The following ARHGAP5 variants were observed in gnomAD, a reference collection of about 807,000 sequenced individuals.
ARHGAP5 encodes the protein Rho GTPase activating protein 5, also known as rho GTPase-activating protein 5.
Under a neutral mutation model 116.6 loss-of-function variants are expected in ARHGAP5, and 23 were observed. That is an observed-to-expected ratio of 0.20 (90% CI 0.14 to 0.28). The LOEUF (loss-of-function observed/expected upper bound fraction) is 0.28. Ranked by LOEUF, ARHGAP5 falls within the 10% of genes least tolerant of loss-of-function variation. ARHGAP5 has a pLI of 1.00. For missense variants in ARHGAP5, 1,405 were observed against 1,774.8 expected (o/e 0.79, Z 3.74); for synonymous variants, 574 against 602.0 (o/e 0.95, Z 0.68).
In ARHGAP5 at chr14:32,092,931, G is replaced by A. The variant is rs778010378; in HGVS notation, c.2262G>A (p.Leu754=). The A allele has an allele frequency of 2.5e-6, 4 of 1,613,834 alleles. No individual in the cohort carries two copies. The highest frequency in any genetic ancestry group is 3.4e-6 in the Non-Finnish European group (4 of 1,179,934). ...TAAAGCAAGCTCTCAGAGGAGTATT[G>A]GAATCAGTTAAACACAATTTGGATG... is the stretch of plus-strand genomic sequence containing the variant. The part of the protein sequence containing the change: ...TQIKQALRGV[L]ESVKHNLDVV... Residue 754 remains leucine (L), a synonymous_variant, in exon 2 of 7, where the codon TTG becomes TTA. Transcript: ENST00000345122. This position sits in a 1 kb window ranked among gnomAD's most constrained non-coding sequence, Gnocchi z 4.1.
At chr14:32,153,267 C>CGTG (rs1447482049) in intron 6 of ARHGAP5, among the ~76,000 whole-genome samples, 2 of 149,122 alleles carry the variant, frequency 1.3e-5, no homozygotes, top group African/African-American at 4.9e-5. Context: ...ATTAACTGGG[C>CGTG]GTGGTGTGAG....
At chr14:32,138,365 A>G (rs765399878) in intron 3 of ARHGAP5, among the ~76,000 whole-genome samples, 1 of 152,024 alleles carries the variant, frequency 6.6e-6, no homozygotes, top group Non-Finnish European at 1.5e-5. Flanking sequence ...GCTCACTGCA[A>G]CCTCCACTCC....
At chr14:32,094,438 T>C in intron 2 of ARHGAP5, 52 bp downstream of exon 2, 1 of 1,339,282 alleles carries the variant, frequency 7.5e-7, no homozygotes, top group Non-Finnish European at 1.0e-6. Flanking sequence ...GTTGTTACTT[T>C]TTTAAAATAC....
chr14:32,133,107 T>A (rs1487546143), intron 3 of ARHGAP5, among the ~76,000 whole-genome samples: 4 of 152,242 alleles, frequency 2.6e-5, no homozygotes, highest in African/African-American at 7.2e-5. Context: ...AAGTAGTTTT[T>A]TCCAATTCTG....
Position 32,126,829 on chromosome 14 carries a change from G to C in ARHGAP5, c.3865+9542G>C, listed in dbSNP as rs564765861. Among the ~76,000 whole-genome samples the C allele has an allele frequency of 5.3e-5, 8 of 152,034 alleles. No homozygotes were observed. In the South Asian group the frequency reaches 1.7e-3, roughly 32 times the overall value. ...GTAGTGAGCGTTTAATGGGTGCAGA[G>C]TTTCAGTTTTGCAAGATGAAAACAG... On this transcript the variant is annotated intron_variant, in intron 3 of 6. Coordinates refer to ENST00000345122, the MANE Select transcript of ARHGAP5 (RefSeq NM_001030055.2).
intron 5 of ARHGAP5, among the ~76,000 whole-genome samples, chr14:32,151,478 G>GA (rs1881636323): frequency 6.6e-6 from 1 of 152,230 alleles, no homozygotes; most frequent in Non-Finnish European, 1.5e-5. Flanking sequence ...TAGTATAGGC[G>GA]AATCTATAGC....
chr14:32,082,145 T>C (rs1253843211), intron 1 of ARHGAP5, among the ~76,000 whole-genome samples: 1 of 152,204 alleles, frequency 6.6e-6, no homozygotes, highest in Non-Finnish European at 1.5e-5. Flanking sequence ...TGCAGCCCAG[T>C]TCCTAATAAG....
Position 32,149,808 on chromosome 14 carries a change from T to G in ARHGAP5, c.3944-94T>G, listed in dbSNP as rs148734590. On this transcript the variant is annotated intron_variant, in intron 4 of 6. Transcript: ENST00000345122. The stretch of plus-strand genomic sequence containing the variant: ...AAGAAAAAGAAAAGTGGCCCAAGAC[T>G]TAAAGTTATCTTTTGATCTAAAAGT... 522 of 728,512 alleles carry G rather than the reference T, an allele frequency of 7.2e-4. 3 individuals are homozygous for G. In the African/African-American group the frequency reaches 8.9e-3, roughly 12 times the overall value. The allele number at this position is 728,512 out of a possible 1,614,324, so 45.1% of individuals were successfully genotyped here.
intron 1 of ARHGAP5, among the ~76,000 whole-genome samples, chr14:32,079,988 A>G (rs1404160439): frequency 6.6e-6 from 1 of 152,174 alleles, no homozygotes. Flanking sequence ...AGGGAATTTA[A>G]TTTCTAAAAG....
chr14:32,102,611 G>A (rs529596780), intron 2 of ARHGAP5, among the ~76,000 whole-genome samples: 10 of 152,278 alleles, frequency 6.6e-5, no homozygotes, highest in Admixed American at 1.3e-4. Context: ...AGTGAAATTG[G>A]CTTTCTGTGA....
intron 2 of ARHGAP5, among the ~76,000 whole-genome samples, chr14:32,101,545 T>A (rs1065474): frequency 6.6e-6 from 1 of 152,184 alleles, no homozygotes. Context: ...AAAAGCGTGC[T>A]TTTTGTTTTT....
At chr14:32,113,519 G>C (rs1566670295) in intron 2 of ARHGAP5, among the ~76,000 whole-genome samples, 1 of 152,182 alleles carries the variant, frequency 6.6e-6, no homozygotes, top group African/African-American at 2.4e-5. Flanking sequence ...TGCTAGCTCT[G>C]AATCTTGGTG....
intron 2 of ARHGAP5, among the ~76,000 whole-genome samples, chr14:32,105,106 T>C (rs561493057): frequency 1.1e-4 from 16 of 152,224 alleles, no homozygotes; most frequent in African/African-American, 3.9e-4. Flanking sequence ...GAAACCCTGG[T>C]GTAGGAGACT....
At chr14:32,081,855 CTT>C (rs545886450) in intron 1 of ARHGAP5, among the ~76,000 whole-genome samples, 170 of 152,242 alleles carry the variant, frequency 1.1e-3, no homozygotes, top group Non-Finnish European at 1.8e-3. Context: ...GGTAATATCT[CTT>C]TTAGAGAACT....
At chr14:32,081,413 AAT>A (rs2041771550) in intron 1 of ARHGAP5, among the ~76,000 whole-genome samples, 1 of 152,014 alleles carries the variant, frequency 6.6e-6, no homozygotes, top group Non-Finnish European at 1.5e-5. Flanking sequence ...ATGGGAAGAA[AAT>A]ATAAAAATGT....
chr14:32,093,541 A>G lies in ARHGAP5; in HGVS notation c.2872A>G (p.Thr958Ala), dbSNP rs745781808. ...TTTGTCTGATAATACAAGGGAATCAACCCATCAAAGTGAAGATGTTTTTCT... is the reference window on the plus strand; with the variant it reads ...TTTGTCTGATAATACAAGGGAATCAGCCCATCAAAGTGAAGATGTTTTTCT... ...SYLSDNTRES[T>A]HQSEDVFLPS... The change falls in exon 2 of 7, where the codon ACC becomes GCC. Residue 958 changes from threonine (T) to alanine (A), a missense_variant. This residue lies in a region of ARHGAP5 where 944 missense variants were observed against 1,095.3 expected (regional missense o/e 0.86). Coordinates refer to ENST00000345122, the MANE Select transcript of ARHGAP5 (RefSeq NM_001030055.2). The G allele has an allele frequency of 3.1e-6, 5 of 1,613,790 alleles. No individual in the cohort carries two copies. In the African/African-American group the frequency reaches 6.7e-5, roughly 22 times the overall value.
At chr14:32,089,915 T>A (rs2041867614) in intron 1 of ARHGAP5, among the ~76,000 whole-genome samples, 1 of 152,104 alleles carries the variant, frequency 6.6e-6, no homozygotes, top group South Asian at 2.1e-4. Flanking sequence ...TGTTTTCTCT[T>A]AAGTATTTAA....
intron 2 of ARHGAP5, 55 bp from the exon 3 acceptor site, chr14:32,117,085 A>T: frequency 2.9e-6 from 4 of 1,396,802 alleles, no homozygotes; most frequent in Non-Finnish European, 3.9e-6. Context: ...ATTGCTCATT[A>T]CTATTATTCT....
At chr14:32,108,221 G>A (rs1379113610) in intron 2 of ARHGAP5, among the ~76,000 whole-genome samples, 1 of 152,196 alleles carries the variant, frequency 6.6e-6, no homozygotes, top group Admixed American at 6.5e-5. Context: ...TGACATTCAA[G>A]AAGTTTCGCT....
Sources: gnomAD v4.1 joint callset for allele counts (sites outside exome capture counted in the v4.1 genomes callset) on GRCh38, gnomAD v4.1.1 for gene constraint, gnomAD v4.1.1 regional missense constraint, Gnocchi (gnomAD v3.1) non-coding constraint, MANE v1.5 for transcripts, NCBI Gene and HGNC (gene_info 2026-07-23, HGNC 2026-07-21) for gene names.